The following DLGAP4 variants were observed in gnomAD, a reference collection of about 807,000 sequenced individuals.
DLGAP4 encodes the protein DLG associated protein 4, also known as disks large-associated protein 4.
In DLGAP4, 18 loss-of-function variants were observed where a neutral mutation model predicts 86.9. The observed-to-expected ratio is 0.21, with a 90% CI of 0.14 to 0.31. The LOEUF (loss-of-function observed/expected upper bound fraction) is 0.31. Ranked by LOEUF, DLGAP4 falls within the 10% of genes least tolerant of loss-of-function variation. The pLI is 1.00. For missense variants in DLGAP4, 1,085 were observed against 1,362.6 expected (o/e 0.80, Z 3.21); for synonymous variants, 548 against 574.3 (o/e 0.95, Z 0.65).
chr20:36,413,125 G>A lies in DLGAP4; in HGVS notation c.-72-18521G>A, dbSNP rs150964033. ...CTTCTGAGTAGCTGGGGTTACAGGC[G>A]TGTGCCACCACACCTGGCTATTTTT... On this transcript the variant is annotated intron_variant, in intron 2 of 12. Coordinates refer to ENST00000339266, the MANE Select transcript of DLGAP4 (RefSeq NM_001365621.2). Among the ~76,000 whole-genome samples the A allele has an allele frequency of 1.7e-3, 252 of 151,554 alleles. 1 individual carries two copies. Among genetic ancestry groups the A allele is most frequent in the African/African-American group, 5.7e-3 (237 of 41,294 alleles).
intron 5 of DLGAP4, among the ~76,000 whole-genome samples, chr20:36,440,275 A>G (rs1477148934): frequency 6.6e-6 from 1 of 152,080 alleles, no homozygotes; most frequent in Non-Finnish European, 1.5e-5. Context: ...GAGGGTGAGC[A>G]TTTCTATCTG....
intron 10 of DLGAP4, among the ~76,000 whole-genome samples, chr20:36,523,686 C>T (rs2037521290): frequency 1.3e-5 from 2 of 152,110 alleles, no homozygotes; most frequent in African/African-American, 4.8e-5. Flanking sequence ...TATTTTGAGA[C>T]TGAGTCTCCC....
At chr20:36,483,649 C>T (rs1019146866) in intron 7 of DLGAP4, among the ~76,000 whole-genome samples, 5 of 152,216 alleles carry the variant, frequency 3.3e-5, no homozygotes, top group African/African-American at 1.2e-4. Flanking sequence ...CAGAACCAGA[C>T]TCAGCCACGC....
At chr20:36,463,205 C>G (rs6096103) in intron 7 of DLGAP4, among the ~76,000 whole-genome samples, 4 of 152,166 alleles carry the variant, frequency 2.6e-5, no homozygotes, top group African/African-American at 9.7e-5. Flanking sequence ...CCTCTGGGGC[C>G]TTGGTTCTGC....
rs143557124 is a variant in DLGAP4 at position 36,516,527 on chromosome 20, G to A, written c.2513-7723G>A. ...CTAAAATACAAAAAGTTAGCGGGGC[G>A]TGGTGGCGTGCACCTGTAATCCCAG... On this transcript the variant is annotated intron_variant, in intron 10 of 12. Transcript: ENST00000339266. Among the ~76,000 whole-genome samples the A allele has an allele frequency of 7.2e-5, 11 of 151,992 alleles. No individual in the cohort carries two copies. In the South Asian group the frequency reaches 8.3e-4, roughly 12 times the overall value.
At chr20:36,499,436 G>A in intron 8 of DLGAP4, 152 bp from the exon 9 acceptor site, 1 of 1,394,444 alleles carries the variant, frequency 7.2e-7, no homozygotes, top group Middle Eastern at 2.0e-4. Flanking sequence ...TCCGGCCTCG[G>A]GCCCACGTGC....
At chr20:36,466,175 T>G (rs1464507796) in intron 7 of DLGAP4, among the ~76,000 whole-genome samples, 7 of 152,240 alleles carry the variant, frequency 4.6e-5, no homozygotes, top group Non-Finnish European at 1.0e-4. Context: ...TGAGAGCCTG[T>G]CGGCTGCAAC....
chr20:36,349,489 T>C (rs2030071087), intron 1 of DLGAP4, among the ~76,000 whole-genome samples: 1 of 150,052 alleles, frequency 6.7e-6, no homozygotes, highest in African/African-American at 2.5e-5. Flanking sequence ...GAGGAGGGGA[T>C]ATTTGAGCAC....
At chr20:36,332,356 C>T (rs1308766899) in intron 1 of DLGAP4, among the ~76,000 whole-genome samples, 10 of 152,098 alleles carry the variant, frequency 6.6e-5, no homozygotes, top group African/African-American at 2.2e-4. Flanking sequence ...CTGTCCCGCC[C>T]GTTCCGTTTT....
intron 2 of DLGAP4, among the ~76,000 whole-genome samples, chr20:36,379,374 C>A (rs1330049549): frequency 6.6e-6 from 1 of 152,206 alleles, no homozygotes; most frequent in Non-Finnish European, 1.5e-5. Flanking sequence ...GCAGAGATGC[C>A]TTGAGCATCT....
intron 7 of DLGAP4, among the ~76,000 whole-genome samples, chr20:36,482,422 G>C (rs1355770484): frequency 6.6e-6 from 1 of 152,076 alleles, no homozygotes; most frequent in Non-Finnish European, 1.5e-5. Flanking sequence ...GTTTTTTTGA[G>C]GCTCTTTCCA....
intron 10 of DLGAP4, among the ~76,000 whole-genome samples, chr20:36,501,026 C>T (rs1024327532): frequency 1.3e-5 from 2 of 151,300 alleles, no homozygotes; most frequent in African/African-American, 4.9e-5. Flanking sequence ...ACCTGTCAGA[C>T]ACAGAGAAAA....
At chr20:36,416,353 C>T (rs865903908) in intron 2 of DLGAP4, among the ~76,000 whole-genome samples, 66 of 152,218 alleles carry the variant, frequency 4.3e-4, no homozygotes, top group Non-Finnish European at 1.2e-4. Flanking sequence ...AACTCCTGAC[C>T]TCAAGAGACC....
At chr20:36,417,962 T>C (rs2032710628) in intron 2 of DLGAP4, among the ~76,000 whole-genome samples, 1 of 151,260 alleles carries the variant, frequency 6.6e-6, no homozygotes, top group Non-Finnish European at 1.5e-5. Flanking sequence ...TTTTTGTATT[T>C]TTATTAGAGA....
chr20:36,354,949 CAAAACAAAACAGATA>C (rs1473708857), intron 1 of DLGAP4, among the ~76,000 whole-genome samples: 11 of 151,996 alleles, frequency 7.2e-5, no homozygotes, highest in Non-Finnish European at 1.3e-4. Context: ...CTACAGAAAA[CAAAACAAAACAGATA>C]AAAACAAAAC....
At chr20:36,448,202 T>G (rs2033649795) in intron 7 of DLGAP4, among the ~76,000 whole-genome samples, 1 of 151,770 alleles carries the variant, frequency 6.6e-6, no homozygotes. Flanking sequence ...AATTAAAAAT[T>G]CGCTGGTCGG....
chr20:36,438,396 A>T (rs2033348183), intron 4 of DLGAP4, among the ~76,000 whole-genome samples: 1 of 148,992 alleles, frequency 6.7e-6, no homozygotes, highest in African/African-American at 2.5e-5. Context: ...ATATATATAT[A>T]ATATATATGT....
At chr20:36,501,364 C>T (rs2147781045) in intron 10 of DLGAP4, among the ~76,000 whole-genome samples, 1 of 152,342 alleles carries the variant, frequency 6.6e-6, no homozygotes, top group South Asian at 2.1e-4. Context: ...CCACACTCAG[C>T]CAACAGCTTC....
At chr20:36,369,817 A>G (rs1336663981) in intron 2 of DLGAP4, among the ~76,000 whole-genome samples, 1 of 152,238 alleles carries the variant, frequency 6.6e-6, no homozygotes, top group East Asian at 1.9e-4. Context: ...CAATTGTAAA[A>G]ATAATAGCTA....
Sources: allele counts gnomAD v4.1 joint callset (sites outside exome capture counted in the v4.1 genomes callset), GRCh38; gene constraint gnomAD v4.1.1; transcripts MANE v1.5; gene names NCBI Gene and HGNC (gene_info 2026-07-23, HGNC 2026-07-21).